The following ZFAND3 variants were observed in gnomAD, a reference collection of about 807,000 sequenced individuals.
ZFAND3 encodes the protein AN1-type zinc finger protein 3.
ZFAND3 carries 10 observed loss-of-function variants against 29.6 expected under a neutral mutation model. That is an observed-to-expected ratio of 0.34 (90% confidence interval 0.21 to 0.57). The LOEUF is 0.57. Among genes scored for constraint, ZFAND3 ranks in the 20% least tolerant of loss-of-function variants. ZFAND3 has a pLI of 0.86. For synonymous variants in ZFAND3, 128 were observed against 112.6 expected (o/e 1.14, Z -0.87); for missense variants, 230 against 304.5 (o/e 0.76, Z 1.82).
At chr6:37,896,513 CT>C (rs1263660327) in intron 1 of ZFAND3, among the ~76,000 whole-genome samples, 2 of 89,422 alleles carry the variant, frequency 2.2e-5, no homozygotes, top group East Asian at 3.1e-4. Flanking sequence ...TTTCCTCTTT[CT>C]TTTCTTTCTT....
At chr6:37,923,686 G>A (rs1165090224) in intron 1 of ZFAND3, among the ~76,000 whole-genome samples, 1 of 152,154 alleles carries the variant, frequency 6.6e-6, no homozygotes, top group African/African-American at 2.4e-5. Flanking sequence ...TTTGTTTACT[G>A]TGTTGCTCTA....
At chr6:37,872,890 A>G (rs772220407) in intron 1 of ZFAND3, among the ~76,000 whole-genome samples, 5 of 152,234 alleles carry the variant, frequency 3.3e-5, no homozygotes, top group Admixed American at 6.5e-5. Flanking sequence ...ACCTTAGTAC[A>G]TGCTGCCAAA....
intron 1 of ZFAND3, among the ~76,000 whole-genome samples, chr6:37,828,430 T>G (rs1763797182): frequency 2.0e-5 from 3 of 152,138 alleles, no homozygotes; most frequent in African/African-American, 7.2e-5. Context: ...GGCAGAAAAA[T>G]GTACTGGCAA....
intron 4 of ZFAND3, among the ~76,000 whole-genome samples, chr6:38,103,473 A>ATACACGTG (rs1765143696): frequency 7.3e-5 from 2 of 27,358 alleles, no homozygotes; most frequent in Non-Finnish European, 1.1e-4. Context: ...ACACGTGTAT[A>ATACACGTG]TATATACACA....
chr6:38,105,120 G>A (rs1311699416), intron 4 of ZFAND3, among the ~76,000 whole-genome samples: 2 of 152,198 alleles, frequency 1.3e-5, no homozygotes, highest in South Asian at 2.1e-4. Flanking sequence ...ATATGTAAGA[G>A]CATTTAGAAG....
intron 1 of ZFAND3, among the ~76,000 whole-genome samples, chr6:37,908,307 G>A (rs1765446515): frequency 6.6e-6 from 1 of 152,082 alleles, no homozygotes; most frequent in Non-Finnish European, 1.5e-5. Flanking sequence ...GAAAAAGTGA[G>A]TTATAGCACA....
chr6:38,027,366 A>G (rs973424253), intron 2 of ZFAND3, among the ~76,000 whole-genome samples: 3 of 152,248 alleles, frequency 2.0e-5, no homozygotes, highest in Non-Finnish European at 4.4e-5. Context: ...GGTCCTTCTC[A>G]AAAGAACCAA....
chr6:38,151,736 T>G (rs1378894538), intron 5 of ZFAND3, among the ~76,000 whole-genome samples: 1 of 152,200 alleles, frequency 6.6e-6, no homozygotes, highest in Non-Finnish European at 1.5e-5. Flanking sequence ...CACTCATTTT[T>G]GGGTTGTGGT....
intron 2 of ZFAND3, among the ~76,000 whole-genome samples, chr6:38,000,255 T>A (rs995516865): frequency 2.0e-5 from 3 of 152,330 alleles, no homozygotes; most frequent in African/African-American, 7.2e-5. Flanking sequence ...CTTCCATTAA[T>A]TAATTATAAA....
intron 2 of ZFAND3, among the ~76,000 whole-genome samples, chr6:37,995,114 G>A (rs569778744): frequency 1.6e-4 from 24 of 152,276 alleles, no homozygotes; most frequent in Non-Finnish European, 2.4e-4. Flanking sequence ...GAGAACCTGC[G>A]TGAGCATATT....
chr6:38,049,629 T>G (rs1456987975), intron 2 of ZFAND3, among the ~76,000 whole-genome samples: 1 of 152,200 alleles, frequency 6.6e-6, no homozygotes, highest in African/African-American at 2.4e-5. Context: ...TTAGGAATTG[T>G]GAATTATATA....
chr6:38,081,868 A>G (rs777373354), intron 3 of ZFAND3, among the ~76,000 whole-genome samples: 2 of 152,028 alleles, frequency 1.3e-5, no homozygotes, highest in African/African-American at 4.8e-5. Flanking sequence ...TTGGTCAGCA[A>G]TGCTTTCTTT....
chr6:37,983,894 A>G (rs192412156), intron 2 of ZFAND3, among the ~76,000 whole-genome samples: 1 of 152,334 alleles, frequency 6.6e-6, no homozygotes, highest in East Asian at 1.9e-4. Flanking sequence ...CAACAATGAA[A>G]TTGCATTTTT....
At chr6:37,941,624 C>G (rs566123792) in intron 2 of ZFAND3, among the ~76,000 whole-genome samples, 22 of 152,234 alleles carry the variant, frequency 1.4e-4, no homozygotes, top group African/African-American at 5.1e-4. Context: ...TATTTAGTCT[C>G]CTGTGTTTAG....
intron 2 of ZFAND3, among the ~76,000 whole-genome samples, chr6:37,992,639 ATACC>A (rs1762778787): frequency 6.6e-6 from 1 of 152,198 alleles, no homozygotes; most frequent in Non-Finnish European, 1.5e-5. Context: ...ATTAAGAAAT[ATACC>A]TAAGAAAAAT....
chr6:37,934,850 A>T (rs1175571634), intron 2 of ZFAND3, among the ~76,000 whole-genome samples: 1 of 149,574 alleles, frequency 6.7e-6, no homozygotes, highest in East Asian at 1.9e-4. Context: ...AAAAAAAAAA[A>T]AAAAAAAAAA....
chr6:38,047,856 A>G (rs796270540), intron 2 of ZFAND3, among the ~76,000 whole-genome samples: 7 of 152,316 alleles, frequency 4.6e-5, no homozygotes, highest in African/African-American at 1.7e-4. Flanking sequence ...CCATTGTTAT[A>G]AAGCCTGTAG....
chr6:37,929,642 C>T (rs974694287), intron 1 of ZFAND3, among the ~76,000 whole-genome samples: 4 of 152,002 alleles, frequency 2.6e-5, no homozygotes, highest in African/African-American at 9.7e-5. Context: ...ATCTTCTGGG[C>T]ATTTTATAAT....
At chr6:38,130,388 C>T (rs1467251142) in intron 5 of ZFAND3, among the ~76,000 whole-genome samples, 1 of 152,156 alleles carries the variant, frequency 6.6e-6, no homozygotes, top group Non-Finnish European at 1.5e-5. Flanking sequence ...TTGTCTAGTT[C>T]CAGTTCTCAG....
Sources: allele counts gnomAD v4.1 joint callset (sites outside exome capture counted in the v4.1 genomes callset), GRCh38; gene constraint gnomAD v4.1.1; transcripts MANE v1.5; gene names NCBI Gene and HGNC (gene_info 2026-07-23, HGNC 2026-07-21).